Variants in LHX8 observed in about 807,000 individuals in gnomAD.
LHX8 encodes LIM/homeobox protein Lhx8.
In LHX8, 12 loss-of-function variants were observed where a neutral mutation model predicts 40.3. The observed-to-expected ratio is 0.30, with a 90% CI of 0.19 to 0.48. The LOEUF (loss-of-function observed/expected upper bound fraction) is 0.48. LHX8 is among the 20% of genes least tolerant of loss of function. The pLI is 0.99. For missense variants in LHX8, 344 were observed against 433.7 expected (o/e 0.79, Z 1.84); for synonymous variants, 179 against 162.0 (o/e 1.10, Z -0.80).
intron 6 of LHX8, among the ~76,000 whole-genome samples, chr1:75,147,831 C>T (rs1648502129): frequency 6.6e-6 from 1 of 152,150 alleles, no homozygotes; most frequent in African/African-American, 2.4e-5. Flanking sequence ...GTACTCTCTC[C>T]CACACTACTC....
intron 2 of LHX8, 144 bp downstream of exon 2, chr1:75,136,833 G>T: frequency 4.2e-6 from 3 of 711,570 alleles, no homozygotes; most frequent in Non-Finnish European, 7.0e-6. Flanking sequence ...GGGTCTGGGT[G>T]GGGTGGGAAG....
chr1:75,180,461 C>G, the LHX8 span, among the ~76,000 whole-genome samples: 2,212 of 152,224 alleles, frequency 0.015, 58 homozygotes, highest in African/African-American at 0.05. Context: ...CACTGATACC[C>G]TTTCTTCCAC....
At chr1:75,191,775 G>A in the LHX8 span, among the ~76,000 whole-genome samples, 20 of 152,282 alleles carry the variant, frequency 1.3e-4, no homozygotes, top group South Asian at 2.7e-3. Flanking sequence ...ATATGAAAGT[G>A]GATTGCCATC....
chr1:75,170,527 GT>G, the LHX8 span, among the ~76,000 whole-genome samples: 32 of 152,326 alleles, frequency 2.1e-4, no homozygotes, highest in African/African-American at 7.2e-4. Flanking sequence ...GAACTGCAGA[GT>G]GCTTAAAAAT....
chr1:75,185,930 G>A, the LHX8 span, among the ~76,000 whole-genome samples: 2 of 152,142 alleles, frequency 1.3e-5, no homozygotes, highest in Non-Finnish European at 2.9e-5. Context: ...AATGAAGAAT[G>A]CAATCCTATT....
At chr1:75,192,635 A>C in the LHX8 span, among the ~76,000 whole-genome samples, 1 of 152,096 alleles carries the variant, frequency 6.6e-6, no homozygotes, top group Non-Finnish European at 1.5e-5. Context: ...ATAACATTTT[A>C]AGTAATTTTT....
the LHX8 span, among the ~76,000 whole-genome samples, chr1:75,174,961 C>G: frequency 6.6e-6 from 1 of 152,100 alleles, no homozygotes; most frequent in Non-Finnish European, 1.5e-5. Flanking sequence ...ATCCCTCACC[C>G]CCTCCTACCC....
chr1:75,146,567 C>T (rs1375119991), intron 6 of LHX8, among the ~76,000 whole-genome samples: 3 of 151,976 alleles, frequency 2.0e-5, no homozygotes, highest in Non-Finnish European at 4.4e-5. Flanking sequence ...ATCTCCTGGC[C>T]TAAAAATGAT....
At chr1:75,187,067 C>CT in the LHX8 span, among the ~76,000 whole-genome samples, 3 of 152,122 alleles carry the variant, frequency 2.0e-5, no homozygotes, top group Non-Finnish European at 2.9e-5. Context: ...TAAGCAGCCT[C>CT]TTTTTGCCAG....
At chr1:75,147,936 A>G (rs1434258431) in intron 6 of LHX8, among the ~76,000 whole-genome samples, 2 of 152,192 alleles carry the variant, frequency 1.3e-5, no homozygotes, top group African/African-American at 4.8e-5. Flanking sequence ...ATGTTTCACT[A>G]TCTCTTAGCA....
downstream of LHX8, among the ~76,000 whole-genome samples, chr1:75,161,888 G>A (rs1469241719): frequency 6.6e-6 from 1 of 152,112 alleles, no homozygotes; most frequent in Non-Finnish European, 1.5e-5. Context: ...TTTCTTCTTG[G>A]TGAATACCCT....
At chr1:75,186,735 T>C in the LHX8 span, among the ~76,000 whole-genome samples, 2 of 152,070 alleles carry the variant, frequency 1.3e-5, no homozygotes, top group Non-Finnish European at 2.9e-5. Flanking sequence ...GTAGCTGTGA[T>C]TTCCTGAGTG....
intron 7 of LHX8, among the ~76,000 whole-genome samples, chr1:75,154,584 G>T (rs1570302746): frequency 6.6e-6 from 1 of 152,148 alleles, no homozygotes; most frequent in African/African-American, 2.4e-5. Flanking sequence ...AAGGCCGGTG[G>T]CAGTGGTTCC....
the LHX8 span, among the ~76,000 whole-genome samples, chr1:75,187,521 G>A: frequency 6.6e-6 from 1 of 152,122 alleles, no homozygotes; most frequent in Admixed American, 6.5e-5. Flanking sequence ...TATTGGGGGG[G>A]TCCCTTTCCT....
In LHX8 at chr1:75,160,823, T is replaced by G. The variant is rs974169282; in HGVS notation, c.969T>G (p.His323Gln). The change falls in exon 9 of 9, where the codon CAT (histidine) becomes CAG (glutamine). Residue 323 changes from histidine to glutamine, a missense_variant. His to Gln is a conservative substitution (Grantham distance 24). Transcript: ENST00000356261. ...AAATTTCTTTCTATTTTGTAGCTCA[T>G]TCACCAACAACTCTTGGACTCCAGC... ...LTALHSYMDA[H>Q]SPTTLGLQPL... is the part of the protein sequence containing the mutation. 3.7e-6 allele frequency: 6 copies of G among 1,610,668 alleles called. No homozygotes were observed. Among genetic ancestry groups the G allele is most frequent in the African/African-American group, 1.3e-5 (1 of 74,828 alleles).
chr1:75,195,666 G>A, the LHX8 span, among the ~76,000 whole-genome samples: 1 of 151,794 alleles, frequency 6.6e-6, no homozygotes, highest in Non-Finnish European at 1.5e-5. Context: ...CCCCAGCTTC[G>A]GTCACTCATC....
chr1:75,150,960 C>T (rs2100352043), intron 7 of LHX8, among the ~76,000 whole-genome samples: 1 of 152,116 alleles, frequency 6.6e-6, no homozygotes, highest in South Asian at 2.1e-4. Context: ...CAGGGGTGAG[C>T]CACCGTGCCT....
At chr1:75,174,028 A>G in the LHX8 span, among the ~76,000 whole-genome samples, 3 of 152,064 alleles carry the variant, frequency 2.0e-5, no homozygotes, top group Non-Finnish European at 4.4e-5. Context: ...TCTAAAAGAA[A>G]AAAAAAAAGT....
At chr1:75,168,799 C>T in the LHX8 span, among the ~76,000 whole-genome samples, 6 of 152,254 alleles carry the variant, frequency 3.9e-5, no homozygotes, top group African/African-American at 7.2e-5. Context: ...CCTATGTAAC[C>T]GTGGGCATAT....
Sources: allele counts gnomAD v4.1 joint callset (sites outside exome capture counted in the v4.1 genomes callset), GRCh38; gene constraint gnomAD v4.1.1; transcripts MANE v1.5; gene names NCBI Gene and HGNC (gene_info 2026-07-23, HGNC 2026-07-21).